GRM5: variants seen among roughly 807,000 people sequenced by gnomAD.
GRM5 encodes metabotropic glutamate receptor 5.
In GRM5, 19 loss-of-function variants were observed where a neutral mutation model predicts 83.1. That is an observed-to-expected ratio of 0.23 (90% CI 0.16 to 0.34). The LOEUF is 0.34. Ranked by LOEUF, GRM5 falls within the 10% of genes least tolerant of loss-of-function variation. The pLI is 1.00. For missense variants in GRM5, 1,160 were observed against 1,588.3 expected (o/e 0.73, Z 4.58); for synonymous variants, 675 against 633.6 (o/e 1.07, Z -0.98).
At chr11:88,937,112 T>C (rs1020516180) in intron 2 of GRM5, among the ~76,000 whole-genome samples, 1 of 151,660 alleles carries the variant, frequency 6.6e-6, no homozygotes, top group Admixed American at 6.6e-5. Flanking sequence ...CTATAACAAG[T>C]TCATTTGAGT....
At chr11:89,037,840 A>G (rs1941428926) in intron 2 of GRM5, among the ~76,000 whole-genome samples, 1 of 152,152 alleles carries the variant, frequency 6.6e-6, no homozygotes, top group African/African-American at 2.4e-5. Flanking sequence ...GAATAACATG[A>G]AAAAGAGAAG....
At chr11:88,698,429 T>C (rs1940951517) in intron 3 of GRM5, among the ~76,000 whole-genome samples, 1 of 152,262 alleles carries the variant, frequency 6.6e-6, no homozygotes, top group Non-Finnish European at 1.5e-5. Flanking sequence ...TCTTATATGC[T>C]GCACATATTA....
chr11:88,576,347 A>C (rs1372832268), intron 7 of GRM5, among the ~76,000 whole-genome samples: 1 of 152,162 alleles, frequency 6.6e-6, no homozygotes, highest in Non-Finnish European at 1.5e-5. Flanking sequence ...CTAATTGTGT[A>C]TTAGTATTGT....
intron 5 of GRM5, among the ~76,000 whole-genome samples, chr11:88,597,657 G>A (rs1040911058): frequency 6.6e-6 from 1 of 152,058 alleles, no homozygotes; most frequent in Non-Finnish European, 1.5e-5. Context: ...GTACTGTTAG[G>A]CTTCTACAAA....
chr11:88,662,336 AAGTAATGACATAC>A (rs1356672802), intron 3 of GRM5, among the ~76,000 whole-genome samples: 1 of 152,182 alleles, frequency 6.6e-6, no homozygotes, highest in Non-Finnish European at 1.5e-5. Context: ...TAAACCTGCT[AAGTAATGACATAC>A]AGTAATGACA....
At chr11:88,952,243 A>G (rs1938488304) in intron 2 of GRM5, among the ~76,000 whole-genome samples, 1 of 152,014 alleles carries the variant, frequency 6.6e-6, no homozygotes, top group Non-Finnish European at 1.5e-5. Context: ...TTTTCTGAAA[A>G]TCTCCTATAC....
chr11:89,056,773 AT>A (rs1158175869), intron 1 of GRM5, among the ~76,000 whole-genome samples: 1 of 152,188 alleles, frequency 6.6e-6, no homozygotes, highest in Non-Finnish European at 1.5e-5. Context: ...GGGTAAATGT[AT>A]TAATAGTTTG....
At chr11:88,935,739 C>T (rs1937871939) in intron 2 of GRM5, among the ~76,000 whole-genome samples, 1 of 151,950 alleles carries the variant, frequency 6.6e-6, no homozygotes, top group African/African-American at 2.4e-5. Flanking sequence ...ACATATTTTA[C>T]AGGATGGATA....
At chr11:88,659,047 A>G (rs1939837835) in intron 3 of GRM5, among the ~76,000 whole-genome samples, 1 of 152,196 alleles carries the variant, frequency 6.6e-6, no homozygotes, top group Non-Finnish European at 1.5e-5. Context: ...ATATGTTGCA[A>G]TGGTCAAGGA....
intron 8 of GRM5, among the ~76,000 whole-genome samples, chr11:88,566,237 A>AT (rs1254125998): frequency 6.6e-6 from 1 of 152,018 alleles, no homozygotes; most frequent in Non-Finnish European, 1.5e-5. Flanking sequence ...ATACTTCAAC[A>AT]TTTTTCCCAA....
At position 88,886,678 on chromosome 11, in the gene GRM5, C is replaced by T. The variant is rs573246510; in HGVS notation, c.662-36523G>A. Among the ~76,000 whole-genome samples, 91 of 152,252 alleles carry T rather than the reference C, an allele frequency of 6.0e-4. 1 individual carries two copies. Among genetic ancestry groups the T allele is most frequent in the Non-Finnish European group, 1.6e-4 (11 of 68,022 alleles). ...CCATTGTTATCCAAAGGTATTTGGACGGACCCCAGCCTCTGACTACCCTGA... is the reference window on the plus strand; with the variant it reads ...CCATTGTTATCCAAAGGTATTTGGATGGACCCCAGCCTCTGACTACCCTGA... On this transcript the variant is annotated intron_variant, in intron 2 of 9. Transcript: ENST00000305447.
chr11:89,029,049 G>A (rs1328151881), intron 2 of GRM5, among the ~76,000 whole-genome samples: 1 of 151,606 alleles, frequency 6.6e-6, no homozygotes, highest in African/African-American at 2.4e-5. Flanking sequence ...TTCTGTTCTT[G>A]TGTTAGTTTG....
intron 3 of GRM5, among the ~76,000 whole-genome samples, chr11:88,736,359 G>T (rs2701350): frequency 1.3e-5 from 2 of 152,000 alleles, no homozygotes; most frequent in Non-Finnish European, 2.9e-5. Flanking sequence ...CCCTTACTCA[G>T]GTAAAGAAGG....
chr11:88,648,247 C>T (rs1939519149), intron 4 of GRM5, among the ~76,000 whole-genome samples: 3 of 150,070 alleles, frequency 2.0e-5, no homozygotes, highest in Admixed American at 2.0e-4. Flanking sequence ...AGACTTGGAA[C>T]CAATCCAAAT....
intron 3 of GRM5, among the ~76,000 whole-genome samples, chr11:88,776,117 G>T (rs1027617576): frequency 4.6e-5 from 7 of 152,056 alleles, no homozygotes; most frequent in Non-Finnish European, 8.8e-5. Flanking sequence ...TATGAATCTG[G>T]GTGCTCCTGT....
intron 9 of GRM5, among the ~76,000 whole-genome samples, chr11:88,519,110 A>G (rs1322181200): frequency 1.3e-5 from 2 of 151,228 alleles, no homozygotes; most frequent in Non-Finnish European, 3.0e-5. Context: ...TTTTAGACAC[A>G]TCAAGGAGGA....
intron 2 of GRM5, among the ~76,000 whole-genome samples, chr11:89,020,025 G>A (rs1940945112): frequency 6.6e-6 from 1 of 152,202 alleles, no homozygotes; most frequent in Admixed American, 6.5e-5. Context: ...CAGGGACAGG[G>A]TGAGTTCAGC....
At chr11:88,819,568 G>T (rs1362463534) in intron 3 of GRM5, among the ~76,000 whole-genome samples, 1 of 152,016 alleles carries the variant, frequency 6.6e-6, no homozygotes, top group East Asian at 1.9e-4. Context: ...GTTGTTAATG[G>T]CAATAGCATG....
chr11:88,547,333 A>T (rs1418898955), intron 8 of GRM5, among the ~76,000 whole-genome samples: 1 of 152,150 alleles, frequency 6.6e-6, no homozygotes, highest in Non-Finnish European at 1.5e-5. Context: ...AAGGAAGACT[A>T]ATACTCCAGA....
Sources: gnomAD v4.1 joint callset for allele counts (sites outside exome capture counted in the v4.1 genomes callset) on GRCh38, gnomAD v4.1.1 for gene constraint, MANE v1.5 for transcripts, NCBI Gene and HGNC (gene_info 2026-07-23, HGNC 2026-07-21) for gene names.